SEC24D: variants seen among roughly 807,000 people sequenced by gnomAD.
The protein encoded by SEC24D is SEC24 homolog D, COPII component, also known as protein transport protein Sec24D.
A neutral mutation model predicts 116.9 loss-of-function variants in SEC24D; 69 were observed. That is an observed-to-expected ratio of 0.59 (90% CI 0.49 to 0.72). The LOEUF (loss-of-function observed/expected upper bound fraction) is 0.72. SEC24D is among the 30% of genes least tolerant of loss of function. SEC24D has a pLI of 0.00. For synonymous variants in SEC24D, 405 were observed against 442.8 expected (o/e 0.91, Z 1.07); for missense variants, 1,131 against 1,264.1 (o/e 0.89, Z 1.60).
intron 19 of SEC24D, 77 bp downstream of exon 19, chr4:118,738,184 G>C: frequency 1.1e-6 from 1 of 948,498 alleles, no homozygotes; most frequent in Non-Finnish European, 1.7e-6. Context: ...AACATCATAA[G>C]CCTTCTATAG....
At chr4:118,829,940 G>C (rs1166183727) in intron 2 of SEC24D, among the ~76,000 whole-genome samples, 1 of 152,192 alleles carries the variant, frequency 6.6e-6, no homozygotes, top group African/African-American at 2.4e-5. Flanking sequence ...CAGTGGAATA[G>C]ATACTTCAAA....
intron 19 of SEC24D, among the ~76,000 whole-genome samples, chr4:118,735,283 G>C (rs537301387): frequency 1.8e-4 from 27 of 152,274 alleles, no homozygotes; most frequent in African/African-American, 6.3e-4. Flanking sequence ...AAAACAAGAA[G>C]ACAATCTTAT....
At chr4:118,797,611 T>C in intron 8 of SEC24D, 72 bp downstream of exon 8, 1 of 1,189,216 alleles carries the variant, frequency 8.4e-7, no homozygotes, top group South Asian at 2.0e-5. Flanking sequence ...GAATAATGTA[T>C]AAGAAAATTG....
intron 15 of SEC24D, among the ~76,000 whole-genome samples, chr4:118,742,790 CT>C (rs147563130): frequency 0.013 from 1,913 of 152,312 alleles, 32 homozygotes; most frequent in African/African-American, 0.044. Context: ...AGGTACACCC[CT>C]GACCCCTTCT....
intron 17 of SEC24D, 24 bp from the exon 18 acceptor site, chr4:118,739,311 CAT>C (rs1343756179): frequency 1.3e-6 from 2 of 1,599,330 alleles, no homozygotes; most frequent in Non-Finnish European, 1.7e-6. Context: ...ATTGAGGTCA[CAT>C]GTTTTTCTGA....
chr4:118,731,690 C>T (rs1725692148), intron 20 of SEC24D, among the ~76,000 whole-genome samples, 183 bp from the exon 21 acceptor site: 6 of 151,950 alleles, frequency 3.9e-5, no homozygotes, highest in Admixed American at 3.3e-4. Context: ...TGGTTTTGTG[C>T]AGGGAGGAAG....
At chr4:118,772,766 G>A (rs1479405960) in intron 8 of SEC24D, among the ~76,000 whole-genome samples, 1 of 152,204 alleles carries the variant, frequency 6.6e-6, no homozygotes, top group African/African-American at 2.4e-5. Flanking sequence ...GCACACGGCA[G>A]TACACTGCGA....
chr4:118,752,207 C>T (rs1169929037), intron 12 of SEC24D, 118 bp from the exon 13 acceptor site: 1 of 644,900 alleles, frequency 1.6e-6, no homozygotes, highest in Non-Finnish European at 2.7e-6. Flanking sequence ...GACACCAACA[C>T]CTATAGGTAA....
chr4:118,783,413 T>G (rs577667031), intron 8 of SEC24D, among the ~76,000 whole-genome samples: 1 of 152,342 alleles, frequency 6.6e-6, no homozygotes, highest in Admixed American at 6.5e-5. Flanking sequence ...CCAGGTTCAC[T>G]GTCTAGTCTC....
chr4:118,834,938 A>T (rs757995037), intron 1 of SEC24D, among the ~76,000 whole-genome samples: 1 of 152,266 alleles, frequency 6.6e-6, no homozygotes, highest in Non-Finnish European at 1.5e-5. Flanking sequence ...TTTTGTTTCC[A>T]TATTAAACTA....
rs1725763521 is a variant in SEC24D at position 118,732,872 on chromosome 4, A to G, written c.2537T>C (p.Met846Thr). 1 of 1,614,008 alleles carries G rather than the reference A, an allele frequency of 6.2e-7. No individual in the cohort carries two copies. The highest frequency in any genetic ancestry group is 1.1e-5 in the South Asian group (1 of 91,038). Residue 846 changes from methionine (M) to threonine (T), a missense_variant, in exon 20 of 23, where the codon ATG becomes ACG. By Grantham distance (81) the Met-to-Thr change is moderately conservative (BLOSUM62 -1). Coordinates refer to ENST00000280551, the MANE Select transcript of SEC24D (RefSeq NM_014822.4). ...PDSMKVLPVY[M>T]NCLLKNCVLL... ...TACACAGTTTTTCAACAAGCAATTC[A>G]TGTACACTGGCAATACTTTCATGGA...
Position 118,745,198 on chromosome 4 carries a change from T to C in SEC24D, c.1708-138A>G, listed in dbSNP as rs957370671. ...TTTAATTTAATCCTCATAATAACCTTTGTGTCCTTGGGCAGGTACTATTCT... is the reference window on the plus strand; with the variant it reads ...TTTAATTTAATCCTCATAATAACCTCTGTGTCCTTGGGCAGGTACTATTCT... On this transcript the variant is annotated intron_variant, in intron 13 of 22. Transcript: ENST00000280551. The C allele has an allele frequency of 5.1e-6, 3 of 588,314 alleles. No homozygotes were observed. In the African/African-American group the frequency reaches 5.7e-5, roughly 11 times the overall value. The allele number at this position is 588,314 out of a possible 1,614,324, so 36.4% of individuals were successfully genotyped here.
chr4:118,749,001 T>C (rs1018054644), intron 13 of SEC24D, among the ~76,000 whole-genome samples: 1 of 152,078 alleles, frequency 6.6e-6, no homozygotes, highest in African/African-American at 2.4e-5. Context: ...TAAAGGCCAT[T>C]TTCTTCCAAT....
At chr4:118,789,320 G>T (rs377214472) in intron 8 of SEC24D, among the ~76,000 whole-genome samples, 1 of 152,154 alleles carries the variant, frequency 6.6e-6, no homozygotes, top group Non-Finnish European at 1.5e-5. Flanking sequence ...CTATGTCAAC[G>T]CATGCAAGCA....
At position 118,728,616 on chromosome 4, in the gene SEC24D, T is replaced by C. The variant is rs1404991372; in HGVS notation, c.2903A>G (p.Gln968Arg). The change falls in exon 22 of 23, where the codon CAA becomes CGA. Residue 968 changes from glutamine (Q) to arginine (R), a missense_variant. Coordinates refer to ENST00000280551, the MANE Select transcript of SEC24D (RefSeq NM_014822.4). Reference protein sequence around the residue: ...LLPEVGNPYSQQLRMIMGIIQ... With the variant: ...LLPEVGNPYSRQLRMIMGIIQ... The stretch of plus-strand genomic sequence containing the variant: ...AATACCCATTATCATTCTGAGTTGT[T>C]GAGAGTATGGGTTTCCCACTTCAGG... 6.2e-7 allele frequency: 1 copy of C among 1,611,684 alleles called. No individual in the cohort carries two copies.
chr4:118,817,631 A>G (rs1209320774), intron 3 of SEC24D, among the ~76,000 whole-genome samples: 1 of 152,186 alleles, frequency 6.6e-6, no homozygotes, highest in Non-Finnish European at 1.5e-5. Context: ...ATGCCAAGAC[A>G]GAAAAAAAAA....
intron 8 of SEC24D, among the ~76,000 whole-genome samples, chr4:118,780,907 C>CTTTTTTTTTTTTTT (rs143712578): frequency 3.2e-4 from 20 of 61,878 alleles, no homozygotes; most frequent in Admixed American, 6.6e-4. Flanking sequence ...GCAACCCCTG[C>CTTTTTTTTTTTTTT]TTTTTTTTTT....
At chr4:118,748,380 G>C (rs1415820802) in intron 13 of SEC24D, among the ~76,000 whole-genome samples, 1 of 151,806 alleles carries the variant, frequency 6.6e-6, no homozygotes, top group Non-Finnish European at 1.5e-5. Context: ...CTTATAAAAT[G>C]GTTAATTCTA....
At position 118,752,891 on chromosome 4, in the gene SEC24D, G is replaced by T; in HGVS notation, c.1422-3C>A. On this transcript the variant is annotated splice_polypyrimidine_tract_variant and splice_region_variant and intron_variant, in intron 11 of 22. Coordinates refer to ENST00000280551, the MANE Select transcript of SEC24D (RefSeq NM_014822.4). ...CAGACGTCTCTTCTTGCTCTTCCCTGTAAGGAAAAAAAAAAGTGTTTGAGA... is the reference window on the plus strand; with the variant it reads ...CAGACGTCTCTTCTTGCTCTTCCCTTTAAGGAAAAAAAAAAGTGTTTGAGA... The T allele has an allele frequency of 1.3e-6, 2 of 1,513,258 alleles. No individual in the cohort carries two copies. Among genetic ancestry groups the T allele is most frequent in the South Asian group, 1.3e-5 (1 of 76,956 alleles). The allele number at this position is 1,513,258 out of a possible 1,614,324, so 93.7% of individuals were successfully genotyped here. A position where few individuals can be genotyped will look rare whatever the true frequency, so the allele number is the denominator to read the frequency against.
Sources: gnomAD v4.1 joint callset for allele counts (sites outside exome capture counted in the v4.1 genomes callset) on GRCh38, gnomAD v4.1.1 for gene constraint, MANE v1.5 for transcripts, NCBI Gene and HGNC (gene_info 2026-07-23, HGNC 2026-07-21) for gene names.